Variants in SORBS2 observed in about 807,000 individuals in gnomAD.
The protein encoded by SORBS2 is sorbin and SH3 domain containing 2.
SORBS2 carries 46 observed loss-of-function variants against 97.7 expected under a neutral mutation model. The ratio of observed to expected loss-of-function variants is 0.47; its 90% CI spans 0.37 to 0.60. SORBS2 has a LOEUF of 0.60. Among genes scored for constraint, SORBS2 ranks in the 20% least tolerant of loss-of-function variants. The pLI, the probability that SORBS2 is intolerant of heterozygous loss-of-function variation, is 0.00. For missense variants in SORBS2, 1,316 were observed against 1,282.3 expected (o/e 1.03, Z -0.40); for synonymous variants, 476 against 473.4 (o/e 1.01, Z -0.07).
rs1420623985 is a variant in SORBS2, at chr4:185,684,322, G to A, written c.-197-5500C>T. ...TATGTTTAAATATATATAGTAGAAG[G>A]GTATTTGCTGATTGGATTAAAGGAA... On this transcript the variant is annotated intron_variant, in intron 2 of 20. Coordinates refer to the SORBS2 transcript ENST00000284776. The surrounding 1 kb of genome is among the most constrained non-coding windows in gnomAD (Gnocchi z 4.2). Among the ~76,000 whole-genome samples, 2 of 151,886 alleles carry A rather than the reference G, an allele frequency of 1.3e-5. No homozygotes were observed. The highest frequency in any genetic ancestry group is 2.9e-5 in the Non-Finnish European group (2 of 67,992).
intron 1 of SORBS2, among the ~76,000 whole-genome samples, chr4:185,781,147 G>C (rs899846912): frequency 1.3e-5 from 2 of 152,008 alleles, no homozygotes; most frequent in Non-Finnish European, 2.9e-5. Flanking sequence ...ATGTTGGTCA[G>C]GTTGGTCTCG....
exon 6 of SORBS2, chr4:185,626,886 T>C (rs1205158691): frequency 6.2e-7 from 1 of 1,614,154 alleles, no homozygotes; most frequent in Non-Finnish European, 8.5e-7. Context: ...TTTGTAAGAG[T>C]GGTGCTTGAT....
chr4:185,658,998 G>A (rs2097461062), upstream of SORBS2, among the ~76,000 whole-genome samples: 1 of 151,992 alleles, frequency 6.6e-6, no homozygotes, highest in African/African-American at 2.4e-5. Context: ...GAGCCACCGT[G>A]GCCGGCCATA....
intron 1 of SORBS2, among the ~76,000 whole-genome samples, chr4:185,952,884 C>T (rs1158126118): frequency 1.3e-5 from 2 of 152,216 alleles, no homozygotes; most frequent in Non-Finnish European, 2.9e-5. Flanking sequence ...AACATCCTCA[C>T]AGGTGGCCGA....
chr4:185,922,435 G>T (rs917922121), intron 1 of SORBS2, among the ~76,000 whole-genome samples: 1 of 152,262 alleles, frequency 6.6e-6, no homozygotes, highest in South Asian at 2.1e-4. Flanking sequence ...TTCATGGAAG[G>T]TTCCTTCCAG....
chr4:185,783,253 G>A (rs1412728834), intron 1 of SORBS2, among the ~76,000 whole-genome samples: 3 of 152,198 alleles, frequency 2.0e-5, no homozygotes, highest in African/African-American at 7.2e-5. Context: ...AAATGAATGA[G>A]GCTGGAAACA....
At chr4:185,876,609 G>T (rs2099233821) in intron 1 of SORBS2, among the ~76,000 whole-genome samples, 1 of 152,110 alleles carries the variant, frequency 6.6e-6, no homozygotes, top group Admixed American at 6.5e-5. Flanking sequence ...TGCCCGCCAA[G>T]TGTCTTTAAG....
chr4:185,830,875 C>T (rs1277584923), intron 1 of SORBS2, among the ~76,000 whole-genome samples: 1 of 152,148 alleles, frequency 6.6e-6, no homozygotes, highest in Non-Finnish European at 1.5e-5. Flanking sequence ...TTCTCACGGC[C>T]TCTGTTGTTT....
intron 1 of SORBS2, among the ~76,000 whole-genome samples, chr4:185,904,879 T>G (rs1036682145): frequency 2.0e-5 from 3 of 152,008 alleles, no homozygotes; most frequent in Admixed American, 2.0e-4. Flanking sequence ...CTGAGGCAGG[T>G]GGATCACCTG....
chr4:185,772,478 C>T (rs1325121566), intron 2 of SORBS2: 1 of 152,192 alleles, frequency 6.6e-6, no homozygotes, highest in Non-Finnish European at 1.5e-5. Context: ...GCGGATAGAC[C>T]TGGACAAAAT....
intron 1 of SORBS2, among the ~76,000 whole-genome samples, chr4:185,800,101 G>A (rs2099123193): frequency 6.6e-6 from 1 of 152,156 alleles, no homozygotes; most frequent in African/African-American, 2.4e-5. Flanking sequence ...GGCTGAGGCA[G>A]GAGAATTGCT....
intron 2 of SORBS2, among the ~76,000 whole-genome samples, chr4:185,732,465 T>C (rs927675556): frequency 2.6e-5 from 4 of 152,214 alleles, no homozygotes; most frequent in African/African-American, 7.2e-5. Context: ...CCAAAGTGCC[T>C]ATGTGACTGT....
At chr4:185,688,505 A>AATAGATAGATAGATAG (rs35533883) in intron 2 of SORBS2, among the ~76,000 whole-genome samples, 11 of 127,680 alleles carry the variant, frequency 8.6e-5, no homozygotes, top group African/African-American at 2.8e-4. Flanking sequence ...TAGATAGATA[A>AATAGATAGATAGATAG]ATAGATAGAT....
chr4:185,598,719 CTAA>C (rs1488442777), intron 12 of SORBS2, among the ~76,000 whole-genome samples: 1 of 152,006 alleles, frequency 6.6e-6, no homozygotes, highest in East Asian at 1.9e-4. Flanking sequence ...TGAAATTCTC[CTAA>C]TAATACCACG....
chr4:185,712,825 C>T (rs1400351819), intron 2 of SORBS2, among the ~76,000 whole-genome samples: 4 of 152,172 alleles, frequency 2.6e-5, no homozygotes, highest in Admixed American at 6.5e-5. Context: ...GCACCCCCCT[C>T]GCAAGTGCCG....
At chr4:185,784,117 A>C (rs1057485911) in intron 1 of SORBS2, among the ~76,000 whole-genome samples, 10 of 151,982 alleles carry the variant, frequency 6.6e-5, no homozygotes, top group Non-Finnish European at 1.3e-4. Flanking sequence ...ACCTCCCGAG[A>C]AGAGGGCTTC....
intron 1 of SORBS2, among the ~76,000 whole-genome samples, chr4:185,778,592 T>G (rs564599469): frequency 6.6e-6 from 1 of 152,222 alleles, no homozygotes; most frequent in South Asian, 2.1e-4. Context: ...TAAGGTAAAC[T>G]TTTACAAACA....
intron 3 of SORBS2, 113 bp from the exon 13 acceptor site, chr4:185,646,895 T>C: frequency 1.5e-6 from 1 of 652,748 alleles, no homozygotes. Flanking sequence ...AAAAAAAATC[T>C]CTCAGGATAA....
At chr4:185,615,247 G>T (rs1281824298) in intron 9 of SORBS2, 88 bp from the exon 22 acceptor site, 2 of 789,724 alleles carry the variant, frequency 2.5e-6, no homozygotes, top group Non-Finnish European at 4.4e-6. Flanking sequence ...CATTTGTTTG[G>T]CAAATATACT....
Sources: gnomAD v4.1 joint callset for allele counts (sites outside exome capture counted in the v4.1 genomes callset) on GRCh38, gnomAD v4.1.1 for gene constraint, Gnocchi (gnomAD v3.1) non-coding constraint, MANE v1.5 for transcripts, NCBI Gene and HGNC (gene_info 2026-07-23, HGNC 2026-07-21) for gene names.